STOM: variants seen among roughly 807,000 people sequenced by gnomAD.
STOM encodes erythrocyte band 7 integral membrane protein.
Under a neutral mutation model 30.6 loss-of-function variants are expected in STOM, and 25 were observed. That is an observed-to-expected ratio of 0.82 (90% CI 0.60 to 1.14). The LOEUF is 1.14. Ranked by LOEUF, STOM falls within the 50% of genes most tolerant of loss-of-function variation. STOM has a pLI of 0.00. For missense variants in STOM, 292 were observed against 365.2 expected, an observed-to-expected ratio of 0.80 and a Z score of 1.63; for synonymous variants, 118 against 130.8, an observed-to-expected ratio of 0.90 and a Z score of 0.67.
Position 121,353,169 on chromosome 9 carries a change from T to C in STOM, c.321+51A>G, listed in dbSNP as rs766886622. The C allele has an allele frequency of 1.8e-5, 19 of 1,079,434 alleles. No homozygotes were observed. The South Asian group carries it at 2.4e-4, about 14-fold the overall frequency. The allele number at this position is 1,079,434 out of a possible 1,614,324, so 66.9% of individuals were successfully genotyped here. A position where few individuals can be genotyped will look rare whatever the true frequency, so the allele number is the denominator to read the frequency against. ...TACACTCTAACTATTCTGTCCCTCA[T>C]TGTAAAGCACTTTCACATATGATAC... is the stretch of plus-strand genomic sequence containing the variant. On this transcript the variant is annotated intron_variant, in intron 4 of 6. Coordinates refer to ENST00000286713, the MANE Select transcript of STOM (RefSeq NM_004099.6).
chr9:121,353,154 C>G lies in STOM; in HGVS notation c.321+66G>C, dbSNP rs113372625. The G allele has an allele frequency of 3.5e-3, 2,844 of 816,552 alleles. 65 individuals are homozygous for G. In the African/African-American group the frequency reaches 0.045, roughly 13 times the overall value. The allele number at this position is 816,552 out of a possible 1,614,324, so 50.6% of individuals were successfully genotyped here. A position where few individuals can be genotyped will look rare whatever the true frequency, so the allele number is the denominator to read the frequency against. Reference sequence around the variant, plus strand: ...TAAATAAATAAAGCCTACACTCTAACTATTCTGTCCCTCATTGTAAAGCAC... The same window carrying G: ...TAAATAAATAAAGCCTACACTCTAAGTATTCTGTCCCTCATTGTAAAGCAC... On this transcript the variant is annotated intron_variant, in intron 4 of 6. Coordinates refer to ENST00000286713, the MANE Select transcript of STOM (RefSeq NM_004099.6).
chr9:121,349,347 T>C, intron 4 of STOM, 24 bp from the exon 5 acceptor site: 4 of 1,611,010 alleles, frequency 2.5e-6, no homozygotes, highest in Non-Finnish European at 3.4e-6. Context: ...GAAGCAATTT[T>C]ACATCTGTCA....
chr9:121,364,503 T>C (rs2064484865), intron 1 of STOM, among the ~76,000 whole-genome samples: 1 of 152,182 alleles, frequency 6.6e-6, no homozygotes. Flanking sequence ...GAACTGATAC[T>C]GATGAAGCAC....
Position 121,349,329 on chromosome 9 carries a change from A to G in STOM, c.322-6T>C. On this transcript the variant is annotated splice_region_variant and splice_polypyrimidine_tract_variant and intron_variant, in intron 4 of 6. Transcript: ENST00000286713. ...ACTGAATCCTTTGTGAGGATCTACA[A>G]GATGAAGGAAGCAATTTTACATCTG... 1 of 1,613,630 alleles carries G rather than the reference A, an allele frequency of 6.2e-7. No individual in the cohort carries two copies. Among genetic ancestry groups the G allele is most frequent in the Non-Finnish European group, 8.5e-7 (1 of 1,179,516 alleles).
chr9:121,363,887 G>A (rs73660441), intron 1 of STOM, among the ~76,000 whole-genome samples: 102 of 152,296 alleles, frequency 6.7e-4, no homozygotes, highest in African/African-American at 2.3e-3. Context: ...TTGAAGCAAG[G>A]CCTTTATAAG....
intron 6 of STOM, among the ~76,000 whole-genome samples, chr9:121,345,699 T>C (rs934058836): frequency 5.3e-5 from 8 of 152,192 alleles, no homozygotes; most frequent in African/African-American, 1.9e-4. Flanking sequence ...GCATGGCAAT[T>C]CAGAATTCTA....
intron 1 of STOM, 96 bp from the exon 2 acceptor site, chr9:121,356,252 G>T: frequency 1.1e-6 from 1 of 951,826 alleles, no homozygotes; most frequent in Non-Finnish European, 1.6e-6. Context: ...TATGTGCTTG[G>T]CACTACACCA....
chr9:121,366,330 T>A, intron 1 of STOM: 1 of 852,468 alleles, frequency 1.2e-6, no homozygotes, highest in Non-Finnish European at 1.4e-6. Context: ...TTAATTGAAA[T>A]GATCTATTTT....
At chr9:121,368,872 G>A (rs1200354957) in intron 1 of STOM, among the ~76,000 whole-genome samples, 2 of 151,578 alleles carry the variant, frequency 1.3e-5, no homozygotes, top group African/African-American at 2.4e-5. Context: ...CTCGGGAGGC[G>A]GAGGTTGCAG....
chr9:121,344,072 T>C (rs1048630469), intron 6 of STOM, among the ~76,000 whole-genome samples: 1 of 152,128 alleles, frequency 6.6e-6, no homozygotes, highest in African/African-American at 2.4e-5. Context: ...TTCCAGGTTT[T>C]GGTTGCATAG....
In STOM at chr9:121,348,042, T is replaced by G; in HGVS notation, c.633A>C (p.Ala211=). 6 of 1,614,162 alleles carry G rather than the reference T, an allele frequency of 3.7e-6. No homozygotes were observed. Among genetic ancestry groups the G allele is most frequent in the Non-Finnish European group, 5.1e-6 (6 of 1,179,996 alleles). ...TGGCGCGGGCCTCGCGGGACGCTTCTGCTTCTGCAGCCATAGCTCTCTGGA... is the reference window on the plus strand; with the variant it reads ...TGGCGCGGGCCTCGCGGGACGCTTCGGCTTCTGCAGCCATAGCTCTCTGGA... ...VQLQRAMAAE[A]EASREARAKV... The change falls in exon 6 of 7, where the codon GCA becomes GCC. Residue 211 remains alanine, a synonymous_variant. Coordinates refer to ENST00000286713, the MANE Select transcript of STOM (RefSeq NM_004099.6).
intron 1 of STOM, 155 bp downstream of exon 1, chr9:121,369,972 T>C: frequency 3.0e-6 from 2 of 664,272 alleles, no homozygotes; most frequent in Non-Finnish European, 5.0e-6. Flanking sequence ...ACAGGGTTCG[T>C]GATGCTCAGT....
chr9:121,359,753 A>T (rs1337863670), intron 1 of STOM, among the ~76,000 whole-genome samples: 1 of 152,186 alleles, frequency 6.6e-6, no homozygotes, highest in Admixed American at 6.5e-5. Flanking sequence ...CTTACTCCAA[A>T]GCCCGTGTTC....
intron 1 of STOM, among the ~76,000 whole-genome samples, chr9:121,357,728 G>A (rs1263666319): frequency 6.6e-6 from 1 of 151,894 alleles, no homozygotes; most frequent in Admixed American, 6.6e-5. Context: ...ATAAGCCACT[G>A]CGCCCGGCCT....
chr9:121,353,366 G>A (rs938418302), intron 3 of STOM, 64 bp from the exon 4 acceptor site: 22 of 1,142,184 alleles, frequency 1.9e-5, no homozygotes, highest in Non-Finnish European at 2.6e-5. Flanking sequence ...TCTCCATTCA[G>A]TTTTAAGAAA....
chr9:121,352,842 C>T (rs988864360), intron 4 of STOM, among the ~76,000 whole-genome samples: 4 of 152,140 alleles, frequency 2.6e-5, no homozygotes, highest in African/African-American at 9.7e-5. Flanking sequence ...TGCCTGTAAT[C>T]CCAGCACTTT....
rs184058512 is a variant in STOM, at chr9:121,348,419, C to T, written c.526-270G>A. 2.8e-4 allele frequency among the ~76,000 whole-genome samples: 43 copies of T among 152,302 alleles called. No individual in the cohort carries two copies. In the East Asian group the frequency reaches 8.3e-3, roughly 29 times the overall value. ...TCTCTGTCTCAACTATTTAACCCAGCTGTTGTAGTCAAAAGCAGCCATGGA... is the reference window on the plus strand; with the variant it reads ...TCTCTGTCTCAACTATTTAACCCAGTTGTTGTAGTCAAAAGCAGCCATGGA... On this transcript the variant is annotated intron_variant, in intron 5 of 6. Transcript: ENST00000286713.
Position 121,343,918 on chromosome 9 carries a change from G to A in STOM, c.661-2510C>T, listed in dbSNP as rs144515211. 9.3e-3 allele frequency among the ~76,000 whole-genome samples: 1,417 copies of A among 152,314 alleles called. 18 individuals carry two copies. The highest frequency in any genetic ancestry group is 0.037 in the Middle Eastern group (11 of 294). ...GAAAGCTGCTAGTGGAACTGCTTTA[G>A]AGTGGCCGGTGCGATTCATAGGTGG... is the stretch of plus-strand genomic sequence containing the variant. On this transcript the variant is annotated intron_variant, in intron 6 of 6. Transcript: ENST00000286713.
At chr9:121,348,290 T>A in intron 5 of STOM, 141 bp from the exon 6 acceptor site, 1 of 1,188,494 alleles carries the variant, frequency 8.4e-7, no homozygotes, top group Non-Finnish European at 1.2e-6. Context: ...GAACGAATGG[T>A]GACGCAGGGG....
Sources: allele counts gnomAD v4.1 joint callset (sites outside exome capture counted in the v4.1 genomes callset), GRCh38; gene constraint gnomAD v4.1.1; transcripts MANE v1.5; gene names NCBI Gene and HGNC (gene_info 2026-07-23, HGNC 2026-07-21).